COL6A5: variants seen among roughly 807,000 people sequenced by gnomAD.
The protein encoded by COL6A5 is collagen alpha-5(VI) chain.
COL6A5 carries 48 observed loss-of-function variants against 65.6 expected under a neutral mutation model. The observed-to-expected ratio is 0.73, with a 90% CI of 0.58 to 0.93. The LOEUF (loss-of-function observed/expected upper bound fraction) is 0.93. COL6A5 is among the 40% of genes least tolerant of loss of function. The pLI is 0.00. For synonymous variants in COL6A5, 291 were observed against 322.8 expected (o/e 0.90, Z 1.05); for missense variants, 914 against 928.3 (o/e 0.98, Z 0.20).
intron 5 of COL6A5, among the ~76,000 whole-genome samples, chr3:130,387,660 C>G (rs1250928168): frequency 2.0e-5 from 3 of 151,822 alleles, no homozygotes; most frequent in Non-Finnish European, 4.4e-5. Context: ...TAATATATGG[C>G]TGATGCTATG....
At chr3:130,438,180 T>A (rs893115752) in intron 1 of COL6A5, among the ~76,000 whole-genome samples, 2 of 152,154 alleles carry the variant, frequency 1.3e-5, no homozygotes, top group Non-Finnish European at 2.9e-5. Context: ...GTATGTTTAG[T>A]AGAGACGGGG....
At chr3:130,384,923 A>G in exon 5 of COL6A5, 1 of 1,551,014 alleles carries the variant, frequency 6.4e-7, no homozygotes, top group Non-Finnish European at 8.7e-7. Context: ...AATGTTTAGC[A>G]TTGGCCCAGA....
In COL6A5 at chr3:130,415,801, T is replaced by C. The variant is rs369403843; in HGVS notation, c.4824+94T>C. On this transcript the variant is annotated intron_variant and NMD_transcript_variant, in intron 23 of 41. Transcript: ENST00000312481. ...TTCACATATAATTTTTTGTATTATTTACATATATATTATTTCATTTTTGGA... is the reference window on the plus strand; with the variant it reads ...TTCACATATAATTTTTTGTATTATTCACATATATATTATTTCATTTTTGGA... 1.7e-5 allele frequency: 18 copies of C among 1,033,708 alleles called. 1 individual carries two copies. Among genetic ancestry groups the C allele is most frequent in the East Asian group, 1.4e-4 (5 of 34,890 alleles). The allele number at this position is 1,033,708 out of a possible 1,614,324, so 64.0% of individuals were successfully genotyped here.
chr3:130,402,387 T>C (rs1190614706), intron 12 of COL6A5, among the ~76,000 whole-genome samples: 2 of 152,190 alleles, frequency 1.3e-5, no homozygotes, highest in African/African-American at 4.8e-5. Flanking sequence ...TATAAAATAT[T>C]ATACAACAAT....
chr3:130,465,957 T>C (rs1347909230), intron 5 of COL6A5, among the ~76,000 whole-genome samples: 1 of 151,604 alleles, frequency 6.6e-6, no homozygotes. Flanking sequence ...AACAAAAAGA[T>C]TGGCAAACTT....
intron 1 of COL6A5, among the ~76,000 whole-genome samples, chr3:130,364,738 C>T (rs989340176): frequency 3.3e-5 from 5 of 152,342 alleles, no homozygotes; most frequent in East Asian, 1.9e-4. Flanking sequence ...TTCGAGATCT[C>T]TCCAGTGAGT....
At chr3:130,406,358 AT>A in intron 17 of COL6A5, 37 bp downstream of exon 17, 1 of 1,487,258 alleles carries the variant, frequency 6.7e-7, no homozygotes, top group Non-Finnish European at 9.2e-7. Context: ...AAGAAGGAGA[AT>A]TTGGTGACAG....
rs144730236 is a variant in COL6A5 at position 130,458,859 on chromosome 3, C to G, written c.1544+3193C>G. On this transcript the variant is annotated intron_variant, in intron 5 of 7. Coordinates refer to ENST00000512836, the Ensembl canonical transcript of COL6A5. Reference sequence around the variant, plus strand: ...CAATATAAAAATCCCTTGCAACATGCAGTCCCTTCTAATTACTTGCCAACA... The same window carrying G: ...CAATATAAAAATCCCTTGCAACATGGAGTCCCTTCTAATTACTTGCCAACA... Among the ~76,000 whole-genome samples, 68 of 152,212 alleles carry G rather than the reference C, an allele frequency of 4.5e-4. No homozygotes were observed. The East Asian group carries it at 8.3e-3, about 19-fold the overall frequency.
chr3:130,433,451 A>G (rs1011552801), intron 1 of COL6A5, among the ~76,000 whole-genome samples: 1 of 152,190 alleles, frequency 6.6e-6, no homozygotes, highest in African/African-American at 2.4e-5. Flanking sequence ...CCAGGAAGCT[A>G]TCTGGTTCTC....
At chr3:130,361,209 G>A (rs1935094414) in intron 1 of COL6A5, among the ~76,000 whole-genome samples, 1 of 152,030 alleles carries the variant, frequency 6.6e-6, no homozygotes. Flanking sequence ...AGACAGAATA[G>A]TTTTTAAAAA....
At chr3:130,462,754 T>A (rs1709729786) in intron 5 of COL6A5, among the ~76,000 whole-genome samples, 1 of 152,096 alleles carries the variant, frequency 6.6e-6, no homozygotes, top group East Asian at 1.9e-4. Flanking sequence ...TATAGTTGCT[T>A]ACTTTTGGAA....
chr3:130,413,428 T>A (rs558262537), intron 20 of COL6A5, 117 bp from the exon 21 acceptor site: 2 of 939,022 alleles, frequency 2.1e-6, no homozygotes, highest in East Asian at 2.6e-5. Flanking sequence ...TCAGGGAAAC[T>A]GTTTCTGTGA....
chr3:130,431,651 ATCTCATCC>A lies in COL6A5; in HGVS notation c.190_197del (p.Tyr64Ter), dbSNP rs1168492215. 1 of 1,551,496 alleles carries A rather than the reference ATCTCATCC, an allele frequency of 6.4e-7. No individual in the cohort carries two copies. The highest frequency in any genetic ancestry group is 1.2e-5 in the South Asian group (1 of 84,050). ...GTTTCCTATAACTCAGGCACCAGCT[ATCTCATCC>A]GCTGGTCTGACTACAATAGGAAGAA... On this transcript the variant is annotated stop_gained and frameshift_variant, in exon 1 of 8. Transcript: ENST00000512836. LOFTEE classifies it high-confidence loss of function.
rs567327821 is a variant in COL6A5, at chr3:130,444,868, C to G, written c.1332+1302C>G. Among the ~76,000 whole-genome samples the G allele has an allele frequency of 6.6e-5, 10 of 152,294 alleles. No homozygotes were observed. The South Asian group carries it at 2.1e-3, about 32-fold the overall frequency. On this transcript the variant is annotated intron_variant, in intron 4 of 7. Transcript: ENST00000512836. ...TATGTCCAATGATAAGTTATCTTCC[C>G]TACCTAGAAGTTGTCCTTTGACCAT...
chr3:130,363,945 G>T (rs896772445), intron 1 of COL6A5, among the ~76,000 whole-genome samples: 2 of 152,192 alleles, frequency 1.3e-5, no homozygotes, highest in African/African-American at 2.4e-5. Flanking sequence ...TTTTGGGGCA[G>T]TGGTTTTCCC....
At chr3:130,412,096 G>C (rs1263365742) in intron 20 of COL6A5, among the ~76,000 whole-genome samples, 3 of 152,026 alleles carry the variant, frequency 2.0e-5, no homozygotes, top group Admixed American at 6.6e-5. Context: ...CAAAACAATG[G>C]ATCCACACAC....
intron 29 of COL6A5, among the ~76,000 whole-genome samples, chr3:130,425,140 C>A (rs1937579916): frequency 6.6e-6 from 1 of 152,100 alleles, no homozygotes. Context: ...GGAAGAATGA[C>A]ACTACATGTT....
At chr3:130,419,796 T>A (rs983077890) in intron 25 of COL6A5, among the ~76,000 whole-genome samples, 3 of 152,000 alleles carry the variant, frequency 2.0e-5, no homozygotes, top group Non-Finnish European at 2.9e-5. Context: ...GTATACAAAA[T>A]TTCAATTAGA....
intron 7 of COL6A5, among the ~76,000 whole-genome samples, chr3:130,473,257 G>C (rs1710005252): frequency 6.6e-6 from 1 of 152,014 alleles, no homozygotes; most frequent in African/African-American, 2.4e-5. Flanking sequence ...CAAGTATATT[G>C]TGAAGGGCCA....
Sources: allele counts gnomAD v4.1 joint callset (sites outside exome capture counted in the v4.1 genomes callset), GRCh38; gene constraint gnomAD v4.1.1; transcripts MANE v1.5; gene names NCBI Gene and HGNC (gene_info 2026-07-23, HGNC 2026-07-21).